The following PKP4 variants were observed in gnomAD, a reference collection of about 807,000 sequenced individuals.
PKP4 encodes the protein plakophilin-4.
In PKP4, 90 loss-of-function variants were observed where a neutral mutation model predicts 145.1. The observed-to-expected ratio is 0.62, with a 90% CI of 0.52 to 0.74. PKP4 has a LOEUF of 0.74. Among genes scored for constraint, PKP4 ranks in the 30% least tolerant of loss-of-function variants. PKP4 has a pLI of 0.00. For synonymous variants in PKP4, 563 were observed against 577.2 expected (o/e 0.98, Z 0.35); for missense variants, 1,340 against 1,482.7 (o/e 0.90, Z 1.58).
rs1014306545 is a variant in PKP4 at position 158,596,796 on chromosome 2, A to G, written c.246-6274A>G. 5.9e-5 allele frequency among the ~76,000 whole-genome samples: 9 copies of G among 152,278 alleles called. No individual in the cohort carries two copies. In the East Asian group the frequency reaches 1.2e-3, roughly 20 times the overall value. On this transcript the variant is annotated intron_variant, in intron 3 of 21. Coordinates refer to ENST00000389759, the MANE Select transcript of PKP4 (RefSeq NM_003628.6). ...GTCAGATTTCTTACACATGCAGCGT[A>G]TTATTTTGGTGGTCTCCCAAACTGG...
intron 4 of PKP4, among the ~76,000 whole-genome samples, chr2:158,612,908 T>C (rs3771647): frequency 0.52 from 78,237 of 151,878 alleles, 20,455 homozygotes; most frequent in South Asian, 0.68. Flanking sequence ...CTGTTTCCTG[T>C]CAGTTTGGCT....
intron 2 of PKP4, among the ~76,000 whole-genome samples, chr2:158,544,738 A>C (rs2044829208): frequency 6.6e-6 from 1 of 152,064 alleles, no homozygotes; most frequent in South Asian, 2.1e-4. Context: ...CTCTGCCACT[A>C]CTCCAACTTA....
chr2:158,628,005 G>T (rs929614445), intron 7 of PKP4, among the ~76,000 whole-genome samples: 1 of 149,476 alleles, frequency 6.7e-6, no homozygotes, highest in Non-Finnish European at 1.5e-5. Flanking sequence ...TTTTTGAGAC[G>T]GAGTTTCGCT....
chr2:158,560,146 C>T (rs2046397204), intron 2 of PKP4, among the ~76,000 whole-genome samples: 1 of 152,120 alleles, frequency 6.6e-6, no homozygotes, highest in South Asian at 2.1e-4. Flanking sequence ...GGATTACAGG[C>T]GTGAGCCACC....
chr2:158,459,580 A>C (rs1689441114), intron 1 of PKP4, among the ~76,000 whole-genome samples: 1 of 152,208 alleles, frequency 6.6e-6, no homozygotes, highest in Non-Finnish European at 1.5e-5. Context: ...TTAGAGGTTT[A>C]ATTTGTGTCC....
chr2:158,627,310 A>T (rs1257570981), intron 7 of PKP4, among the ~76,000 whole-genome samples: 1 of 152,170 alleles, frequency 6.6e-6, no homozygotes, highest in South Asian at 2.1e-4. Flanking sequence ...TCTGCTTGTA[A>T]GAGAGTAGAG....
chr2:158,522,828 G>T (rs1422571128), intron 1 of PKP4, among the ~76,000 whole-genome samples: 2 of 152,368 alleles, frequency 1.3e-5, no homozygotes, highest in Admixed American at 6.5e-5. Flanking sequence ...GGAAGCGCAA[G>T]GGGTCAGGGA....
At chr2:158,523,252 C>T (rs4499382) in intron 1 of PKP4, among the ~76,000 whole-genome samples, 92,666 of 140,508 alleles carry the variant, frequency 0.66, 30,769 homozygotes, top group South Asian at 0.82. Context: ...TTGAAGAGAG[C>T]AGTGGTTCTC....
intron 1 of PKP4, among the ~76,000 whole-genome samples, chr2:158,477,287 A>T (rs1573999570): frequency 6.6e-6 from 1 of 152,038 alleles, no homozygotes; most frequent in Non-Finnish European, 1.5e-5. Context: ...GAGGGTCAAC[A>T]TGCATACCTG....
At chr2:158,554,234 C>T (rs2045879934) in intron 2 of PKP4, among the ~76,000 whole-genome samples, 1 of 152,076 alleles carries the variant, frequency 6.6e-6, no homozygotes, top group South Asian at 2.1e-4. Flanking sequence ...CTCATGGCCA[C>T]CTTCTCCAGT....
chr2:158,520,062 T>C (rs1391207510), intron 1 of PKP4, among the ~76,000 whole-genome samples: 2 of 152,240 alleles, frequency 1.3e-5, no homozygotes, highest in Non-Finnish European at 2.9e-5. Context: ...AGAAGTAAGA[T>C]ATTTTGGGGA....
chr2:158,526,017 A>C (rs1490313867), intron 1 of PKP4, among the ~76,000 whole-genome samples: 2 of 151,658 alleles, frequency 1.3e-5, no homozygotes, highest in Non-Finnish European at 2.9e-5. Flanking sequence ...AAAAGAGTCC[A>C]GGACCAGATG....
At chr2:158,563,037 G>A (rs370966603) in intron 2 of PKP4, among the ~76,000 whole-genome samples, 2 of 152,012 alleles carry the variant, frequency 1.3e-5, no homozygotes, top group African/African-American at 4.8e-5. Context: ...TAAATCCTGT[G>A]GAGTTTCCAG....
intron 13 of PKP4, 174 bp downstream of exon 13, chr2:158,661,624 T>TG: frequency 1.9e-6 from 1 of 516,588 alleles, no homozygotes. Context: ...CGTGGCAACT[T>TG]AAGAAAATAT....
At chr2:158,540,679 G>GTTT (rs2044440230) in intron 2 of PKP4, among the ~76,000 whole-genome samples, 3 of 152,122 alleles carry the variant, frequency 2.0e-5, no homozygotes, top group Non-Finnish European at 4.4e-5. Context: ...CAGGCTATCA[G>GTTT]TATGTATTAT....
chr2:158,494,244 CT>C (rs899420723), intron 1 of PKP4, among the ~76,000 whole-genome samples: 184 of 144,942 alleles, frequency 1.3e-3, no homozygotes, highest in East Asian at 4.2e-3. Context: ...ATATTATGTA[CT>C]TTTTTTTTTT....
chr2:158,526,816 T>C (rs1574294690), intron 1 of PKP4, among the ~76,000 whole-genome samples: 1 of 74,704 alleles, frequency 1.3e-5, no homozygotes, highest in East Asian at 4.9e-4. Context: ...TTTACAAAAA[T>C]CACAAGCATT....
At chr2:158,532,774 G>T (rs1356722094) in intron 1 of PKP4, among the ~76,000 whole-genome samples, 2 of 152,204 alleles carry the variant, frequency 1.3e-5, no homozygotes, top group African/African-American at 4.8e-5. Flanking sequence ...GGGTGACCTT[G>T]TTGCTAGTTA....
intron 1 of PKP4, among the ~76,000 whole-genome samples, chr2:158,468,644 T>C (rs11686147): frequency 0.91 from 138,142 of 152,134 alleles, 62,806 homozygotes; most frequent in East Asian, 0.98. Flanking sequence ...AGACAGTATT[T>C]TCCTATGTGA....
Sources: allele counts gnomAD v4.1 joint callset (sites outside exome capture counted in the v4.1 genomes callset), GRCh38; gene constraint gnomAD v4.1.1; transcripts MANE v1.5; gene names NCBI Gene and HGNC (gene_info 2026-07-23, HGNC 2026-07-21).